SLC6A15: variants seen among roughly 807,000 people sequenced by gnomAD.
SLC6A15 encodes the protein solute carrier family 6 member 15, also known as sodium-dependent neutral amino acid transporter B(0)AT2.
Under a neutral mutation model 68.5 loss-of-function variants are expected in SLC6A15, and 33 were observed. The ratio of observed to expected loss-of-function variants is 0.48; its 90% CI spans 0.37 to 0.64. SLC6A15 has a LOEUF of 0.64. Ranked by LOEUF, SLC6A15 falls within the 30% of genes least tolerant of loss-of-function variation. The pLI, the probability that SLC6A15 is intolerant of heterozygous loss-of-function variation, is 0.00. For missense variants in SLC6A15, 747 were observed against 874.3 expected (o/e 0.85, Z 1.84); for synonymous variants, 347 against 301.0 (o/e 1.15, Z -1.58).
intron 1 of SLC6A15, among the ~76,000 whole-genome samples, chr12:84,902,188 C>A (rs879384008): frequency 6.6e-6 from 1 of 151,792 alleles, no homozygotes; most frequent in Middle Eastern, 3.2e-3. Context: ...ACTGAGCTAT[C>A]AAATAAAAAA....
At chr12:84,906,511 G>T (rs1873161609) in intron 1 of SLC6A15, among the ~76,000 whole-genome samples, 1 of 152,194 alleles carries the variant, frequency 6.6e-6, no homozygotes, top group Admixed American at 6.5e-5. Context: ...TGGGAGGAAT[G>T]ATTCTATCGA....
Position 84,892,265 on chromosome 12 carries a change from G to T in SLC6A15, c.-145C>A. ...TAAATCCTTGATTCAAGGTGATAAAGCCTTATGGATTCTGAATCCGTATGT... is the reference window on the plus strand; with the variant it reads ...TAAATCCTTGATTCAAGGTGATAAATCCTTATGGATTCTGAATCCGTATGT... On this transcript the variant is annotated 5_prime_UTR_variant, in exon 2 of 12. Transcript: ENST00000266682. 1 of 729,874 alleles carries T rather than the reference G, an allele frequency of 1.4e-6. No homozygotes were observed. The highest frequency in any genetic ancestry group is 2.1e-6 in the Non-Finnish European group (1 of 465,684). The allele number at this position is 729,874 out of a possible 1,614,324, so 45.2% of individuals were successfully genotyped here.
At chr12:84,867,804 A>C (rs1192297610) in intron 9 of SLC6A15, 2 of 152,194 alleles carry the variant, frequency 1.3e-5, no homozygotes, top group East Asian at 1.9e-4. Flanking sequence ...GGAGTTGAGC[A>C]ATCTGATCAT....
At chr12:84,875,651 T>C (rs1286656489) in intron 6 of SLC6A15, among the ~76,000 whole-genome samples, 2 of 176 alleles carry the variant, frequency 0.011, no homozygotes, top group Admixed American at 0.029. Context: ...GGGTGCACCA[T>C]ATATATATAT....
At chr12:84,908,879 T>C (rs1256035005) in intron 1 of SLC6A15, among the ~76,000 whole-genome samples, 1 of 152,106 alleles carries the variant, frequency 6.6e-6, no homozygotes, top group Non-Finnish European at 1.5e-5. Context: ...TCTTCAAAAC[T>C]CTTGATCTCA....
chr12:84,883,369 T>A, intron 5 of SLC6A15: 4 of 1,002,872 alleles, frequency 4.0e-6, no homozygotes, highest in Non-Finnish European at 4.8e-6. Context: ...AACTACTTAA[T>A]GATGTTCAGA....
At chr12:84,880,529 C>T (rs923762646) in intron 5 of SLC6A15, among the ~76,000 whole-genome samples, 1 of 152,110 alleles carries the variant, frequency 6.6e-6, no homozygotes, top group African/African-American at 2.4e-5. Flanking sequence ...ACATTGTTTA[C>T]CTTGTTAGTT....
chr12:84,892,238 A>G lies in SLC6A15; in HGVS notation c.-118T>C. ...GAAGTAAAGACCGAGGATGATATCA[A>G]ATAAATCCTTGATTCAAGGTGATAA... On this transcript the variant is annotated 5_prime_UTR_variant, in exon 2 of 12. Transcript: ENST00000266682. The G allele has an allele frequency of 1.1e-6, 1 of 949,114 alleles. No individual in the cohort carries two copies. The highest frequency in any genetic ancestry group is 2.6e-5 in the East Asian group (1 of 38,626). The allele number at this position is 949,114 out of a possible 1,614,324, so 58.8% of individuals were successfully genotyped here. A position where few individuals can be genotyped will look rare whatever the true frequency, so the allele number is the denominator to read the frequency against.
intron 5 of SLC6A15, among the ~76,000 whole-genome samples, chr12:84,876,854 G>A (rs1871571537): frequency 1.3e-5 from 2 of 152,152 alleles, no homozygotes; most frequent in Non-Finnish European, 2.9e-5. Flanking sequence ...ATCAGCTATG[G>A]TGTAGCTTCA....
intron 5 of SLC6A15, among the ~76,000 whole-genome samples, chr12:84,879,461 G>C (rs1211085438): frequency 1.3e-5 from 2 of 151,722 alleles, no homozygotes; most frequent in Non-Finnish European, 2.9e-5. Context: ...GAGTAGCTGG[G>C]ATTACAGGCA....
At chr12:84,886,218 T>C (rs1872095430) in intron 2 of SLC6A15, 150 bp from the exon 3 acceptor site, 1 of 440,390 alleles carries the variant, frequency 2.3e-6, no homozygotes, top group African/African-American at 2.0e-5. Context: ...TACTTTGCAC[T>C]TTCTAGATTC....
In SLC6A15 at chr12:84,885,976, C is replaced by T. The variant is rs1872082741; in HGVS notation, c.382G>A (p.Gly128Ser). The T allele has an allele frequency of 6.2e-7, 1 of 1,613,166 alleles. No homozygotes were observed. Among genetic ancestry groups the T allele is most frequent in the Non-Finnish European group, 8.5e-7 (1 of 1,179,456 alleles). ...ATGTAATTCCATACACCAATGCTGC[C>T]TCGCCGAATTCTTTGACCCACAGAG... ...ELSVGQRIRR[G>S]SIGVWNYISP... Residue 128 changes from glycine (G) to serine (S), a missense_variant, in exon 3 of 12, where the codon GGC (glycine) becomes AGC (serine). Coordinates refer to ENST00000266682, the MANE Select transcript of SLC6A15 (RefSeq NM_182767.6).
In SLC6A15 at chr12:84,866,995, A is replaced by T. The variant is rs760606787; in HGVS notation, c.1655+39T>A. 6.4e-6 allele frequency: 9 copies of T among 1,403,762 alleles called. 1 individual carries two copies. In the East Asian group the frequency reaches 1.8e-4, roughly 28 times the overall value. 87.0% of individuals were successfully genotyped at this position (1,403,762 alleles called of 1,614,324 possible). On this transcript the variant is annotated intron_variant, in intron 10 of 11. Coordinates refer to ENST00000266682, the MANE Select transcript of SLC6A15 (RefSeq NM_182767.6). ...CATTGATAATTGATGTTTTCAAACT[A>T]GAGATTAAAAGTGAATACATAAAAG...
At chr12:84,895,462 C>T (rs1178863572) in intron 1 of SLC6A15, among the ~76,000 whole-genome samples, 2 of 145,758 alleles carry the variant, frequency 1.4e-5, no homozygotes, top group Non-Finnish European at 3.0e-5. Flanking sequence ...CAATTCTCTG[C>T]CTCAGCCTCT....
At chr12:84,885,034 A>T (rs1248652222) in intron 4 of SLC6A15, among the ~76,000 whole-genome samples, 1 of 151,914 alleles carries the variant, frequency 6.6e-6, no homozygotes, top group Non-Finnish European at 1.5e-5. Context: ...TAAAAAAATG[A>T]TGGGAAAAGT....
rs200577575 is a variant in SLC6A15 at position 84,864,170 on chromosome 12, CATA to C, written c.1656-572_1656-570del. 6.3e-3 allele frequency among the ~76,000 whole-genome samples: 948 copies of C among 151,220 alleles called. 3 individuals are homozygous for C. Among genetic ancestry groups the C allele is most frequent in the African/African-American group, 0.018 (750 of 41,324 alleles). On this transcript the variant is annotated intron_variant, in intron 10 of 11. Coordinates refer to ENST00000266682, the MANE Select transcript of SLC6A15 (RefSeq NM_182767.6). ...TTCCTTAATATCACAGCATTAAAAG[CATA>C]ATAATAATTCCTTAATATCATCAAA... is the stretch of plus-strand genomic sequence containing the variant.
intron 6 of SLC6A15, among the ~76,000 whole-genome samples, chr12:84,875,878 C>T (rs1479393856): frequency 6.6e-6 from 1 of 150,950 alleles, no homozygotes; most frequent in African/African-American, 2.4e-5. Context: ...AATATATATG[C>T]ATCTATAGAA....
In SLC6A15 at chr12:84,888,184, C is replaced by T. The variant is rs190505432; in HGVS notation, c.290-2116G>A. Among the ~76,000 whole-genome samples, 955 of 147,926 alleles carry T rather than the reference C, an allele frequency of 6.5e-3. 4 individuals are homozygous for T. Among genetic ancestry groups the T allele is most frequent in the African/African-American group, 0.019 (758 of 39,928 alleles). ...GAGGTGGGAAGACTGACTCTTGAGT[C>T]CAGAGATGGGGAGAGGTTGCAGTGA... On this transcript the variant is annotated intron_variant, in intron 2 of 11. Transcript: ENST00000266682.
In SLC6A15 at chr12:84,873,067, A is replaced by G; in HGVS notation, c.1109+20T>C. On this transcript the variant is annotated intron_variant, in intron 7 of 11. Coordinates refer to ENST00000266682, the MANE Select transcript of SLC6A15 (RefSeq NM_182767.6). Reference sequence around the variant, plus strand: ...AGATAAAAACTAAGAAAAAAGGCAAATGGAAATTAATATTCATACTGTGTA... The same window carrying G: ...AGATAAAAACTAAGAAAAAAGGCAAGTGGAAATTAATATTCATACTGTGTA... The G allele has an allele frequency of 1.2e-6, 2 of 1,602,896 alleles. No homozygotes were observed. Among genetic ancestry groups the G allele is most frequent in the Non-Finnish European group, 8.5e-7 (1 of 1,175,668 alleles).
Sources: gnomAD v4.1 joint callset for allele counts (sites outside exome capture counted in the v4.1 genomes callset) on GRCh38, gnomAD v4.1.1 for gene constraint, MANE v1.5 for transcripts, NCBI Gene and HGNC (gene_info 2026-07-23, HGNC 2026-07-21) for gene names.